Variants in NKAIN2 observed in about 807,000 individuals in gnomAD.
NKAIN2 encodes the protein sodium/potassium-transporting ATPase subunit beta-1-interacting protein 2.
A neutral mutation model predicts 32.6 loss-of-function variants in NKAIN2; 14 were observed. That is an observed-to-expected ratio of 0.43 (90% confidence interval 0.28 to 0.67). The LOEUF (loss-of-function observed/expected upper bound fraction) is 0.67. Ranked by LOEUF, NKAIN2 falls within the 30% of genes least tolerant of loss-of-function variation. The probability of loss-of-function intolerance (pLI) is 0.17; values close to 1 mark genes in which losing one functional copy is unlikely to be tolerated. For synonymous variants in NKAIN2, 80 were observed against 87.2 expected (o/e 0.92, Z 0.46); for missense variants, 198 against 258.3 (o/e 0.77, Z 1.60).
intron 3 of NKAIN2, among the ~76,000 whole-genome samples, chr6:124,543,277 C>G (rs967763894): frequency 1.3e-5 from 2 of 152,172 alleles, no homozygotes; most frequent in Non-Finnish European, 2.9e-5. Context: ...TGCTGTTATA[C>G]AACTAATCCT....
intron 1 of NKAIN2, among the ~76,000 whole-genome samples, chr6:123,863,696 T>G (rs767934262): frequency 3.3e-5 from 5 of 152,172 alleles, no homozygotes; most frequent in Non-Finnish European, 5.9e-5. Flanking sequence ...CCTCCTGGAC[T>G]TACAACACCA....
At chr6:123,930,075 A>C (rs1776184015) in intron 1 of NKAIN2, among the ~76,000 whole-genome samples, 2 of 152,124 alleles carry the variant, frequency 1.3e-5, no homozygotes, top group South Asian at 4.1e-4. Context: ...TTGGTGTTGT[A>C]CAATGTACAA....
chr6:124,585,715 T>C (rs1409670103), intron 3 of NKAIN2, among the ~76,000 whole-genome samples: 1 of 150,514 alleles, frequency 6.6e-6, no homozygotes, highest in African/African-American at 2.5e-5. Context: ...TAGGGAAATA[T>C]AAAAAGCATA....
intron 3 of NKAIN2, among the ~76,000 whole-genome samples, chr6:124,630,791 T>A (rs928464890): frequency 1.3e-5 from 2 of 152,126 alleles, no homozygotes; most frequent in Non-Finnish European, 1.5e-5. Flanking sequence ...ATACAGTTAA[T>A]AAAAACTAAA....
At chr6:124,631,654 C>T (rs935425606) in intron 3 of NKAIN2, among the ~76,000 whole-genome samples, 1 of 152,066 alleles carries the variant, frequency 6.6e-6, no homozygotes, top group African/African-American at 2.4e-5. Context: ...GACTTACCGT[C>T]CAGATAAAGT....
At chr6:123,898,185 T>C (rs927120769) in intron 1 of NKAIN2, among the ~76,000 whole-genome samples, 1 of 152,176 alleles carries the variant, frequency 6.6e-6, no homozygotes, top group African/African-American at 2.4e-5. Flanking sequence ...CTTAATGACA[T>C]GGACTTCCTT....
intron 3 of NKAIN2, among the ~76,000 whole-genome samples, chr6:124,482,366 T>A (rs1167075649): frequency 6.6e-6 from 1 of 151,324 alleles, no homozygotes; most frequent in Non-Finnish European, 1.5e-5. Flanking sequence ...TCCTTTATAA[T>A]TCAATAAAGA....
chr6:123,981,039 T>C (rs1406650634), intron 1 of NKAIN2, among the ~76,000 whole-genome samples: 1 of 152,100 alleles, frequency 6.6e-6, no homozygotes, highest in Non-Finnish European at 1.5e-5. Flanking sequence ...CCGGCTATTT[T>C]TTGTATTTTA....
Position 123,963,573 on chromosome 6 carries a change from G to A in NKAIN2, c.54+159319G>A, listed in dbSNP as rs560858585. 3.9e-5 allele frequency among the ~76,000 whole-genome samples: 6 copies of A among 152,250 alleles called. No homozygotes were observed. The East Asian group carries it at 1.2e-3, about 29-fold the overall frequency. On this transcript the variant is annotated intron_variant, in intron 1 of 6. Transcript: ENST00000368417. ...AAAATTGCACCAATATTATGGTATT[G>A]TTATGAAGATTAAATACATTAATAC...
intron 5 of NKAIN2, among the ~76,000 whole-genome samples, chr6:124,807,575 A>G (rs1780639219): frequency 6.8e-6 from 1 of 147,736 alleles, no homozygotes; most frequent in African/African-American, 2.5e-5. Flanking sequence ...TCACAATTAA[A>G]AGAACTAGAA....
chr6:123,911,765 G>A (rs964540267), intron 1 of NKAIN2, among the ~76,000 whole-genome samples: 16 of 96,402 alleles, frequency 1.7e-4, no homozygotes, highest in Non-Finnish European at 2.1e-4. Flanking sequence ...TAAAATAGTC[G>A]TATATATACA....
At chr6:124,251,039 TGAA>T (rs1793671700) in intron 1 of NKAIN2, among the ~76,000 whole-genome samples, 2 of 151,856 alleles carry the variant, frequency 1.3e-5, no homozygotes, top group Non-Finnish European at 2.9e-5. Context: ...CAAATAAAAA[TGAA>T]GAATTGAATG....
chr6:123,970,126 T>G (rs1171315152), intron 1 of NKAIN2, among the ~76,000 whole-genome samples: 2 of 151,898 alleles, frequency 1.3e-5, no homozygotes, highest in Middle Eastern at 3.2e-3. Flanking sequence ...TATATATATA[T>G]GTATAAATGT....
chr6:124,236,949 A>T (rs1052037068), intron 1 of NKAIN2, among the ~76,000 whole-genome samples: 1 of 152,212 alleles, frequency 6.6e-6, no homozygotes, highest in Non-Finnish European at 1.5e-5. Flanking sequence ...AATGTAAAAA[A>T]AGGAACATAT....
chr6:124,710,906 A>G (rs188906889), intron 4 of NKAIN2, among the ~76,000 whole-genome samples: 41 of 148,064 alleles, frequency 2.8e-4, no homozygotes, highest in Non-Finnish European at 2.4e-4. Flanking sequence ...TCGTTAGTTG[A>G]TGCAGTTTCT....
chr6:124,587,585 A>T (rs1037585238), intron 3 of NKAIN2, among the ~76,000 whole-genome samples: 2 of 152,156 alleles, frequency 1.3e-5, no homozygotes, highest in Admixed American at 1.3e-4. Context: ...TGGAGAAGTT[A>T]TTGAAGTTAG....
chr6:123,872,870 C>T (rs1772967850), intron 1 of NKAIN2, among the ~76,000 whole-genome samples: 1 of 152,118 alleles, frequency 6.6e-6, no homozygotes, highest in Admixed American at 6.6e-5. Flanking sequence ...TTTTAGCTCT[C>T]CAGGAAATTA....
chr6:123,941,484 G>A (rs1006224188), intron 1 of NKAIN2, among the ~76,000 whole-genome samples: 4 of 151,600 alleles, frequency 2.6e-5, no homozygotes, highest in Admixed American at 6.6e-5. Flanking sequence ...GCCTCTCACC[G>A]CTATGTTATG....
At chr6:124,447,548 A>G (rs1775945936) in intron 3 of NKAIN2, among the ~76,000 whole-genome samples, 1 of 152,116 alleles carries the variant, frequency 6.6e-6, no homozygotes, top group South Asian at 2.1e-4. Context: ...AAGTTAAATC[A>G]GGCCTTATGC....
Sources: gnomAD v4.1 joint callset for allele counts (sites outside exome capture counted in the v4.1 genomes callset) on GRCh38, gnomAD v4.1.1 for gene constraint, MANE v1.5 for transcripts, NCBI Gene and HGNC (gene_info 2026-07-23, HGNC 2026-07-21) for gene names.